Variants in IFT80 observed in about 807,000 individuals in gnomAD.
IFT80 encodes intraflagellar transport 80.
IFT80 carries 79 observed loss-of-function variants against 107.9 expected under a neutral mutation model. The ratio of observed to expected loss-of-function variants is 0.73; its 90% CI spans 0.61 to 0.88. The LOEUF is 0.88. Among genes scored for constraint, IFT80 ranks in the 40% least tolerant of loss-of-function variants. IFT80 has a pLI of 0.00. For synonymous variants in IFT80, 299 were observed against 300.9 expected (o/e 0.99, Z 0.07); for missense variants, 797 against 914.2 (o/e 0.87, Z 1.65).
At chr3:160,279,057 T>C (rs765051211) in intron 16 of IFT80, 136 bp downstream of exon 16, 49 of 675,116 alleles carry the variant, frequency 7.3e-5, no homozygotes, top group Non-Finnish European at 1.1e-4. Context: ...GTATTGCCCA[T>C]GTCTTTACTT....
chr3:160,286,545 C>A (rs1715108018), intron 12 of IFT80, among the ~76,000 whole-genome samples: 1 of 152,150 alleles, frequency 6.6e-6, no homozygotes, highest in Admixed American at 6.5e-5. Context: ...GTGTTGACAG[C>A]TTTCTGTATT....
intron 9 of IFT80, among the ~76,000 whole-genome samples, chr3:160,317,215 G>A (rs1381398325): frequency 6.6e-6 from 1 of 151,880 alleles, no homozygotes; most frequent in Non-Finnish European, 1.5e-5. Context: ...ATCATTCTAA[G>A]AAGAAACATG....
intron 8 of IFT80, among the ~76,000 whole-genome samples, chr3:160,321,219 C>T (rs912737947): frequency 6.6e-6 from 1 of 151,862 alleles, no homozygotes; most frequent in African/African-American, 2.4e-5. Context: ...AGACTGGGAA[C>T]TTCAAAGATA....
chr3:160,383,975 T>C, intron 2 of IFT80: 2 of 984,618 alleles, frequency 2.0e-6, no homozygotes, highest in Non-Finnish European at 2.4e-6. Context: ...CCAGGCGCGG[T>C]GGCTCATGCC....
chr3:160,322,222 T>A (rs962366270), intron 8 of IFT80, among the ~76,000 whole-genome samples: 19 of 144,116 alleles, frequency 1.3e-4, no homozygotes, highest in African/African-American at 4.9e-4. Context: ...AGTGTGATGT[T>A]CCCCTTCCTG....
At chr3:160,374,102 G>A (rs938630425) in intron 5 of IFT80, among the ~76,000 whole-genome samples, 2 of 152,120 alleles carry the variant, frequency 1.3e-5, no homozygotes, top group Non-Finnish European at 2.9e-5. Context: ...AAAAATTGAA[G>A]GAAGTGGAAG....
intron 8 of IFT80, among the ~76,000 whole-genome samples, chr3:160,324,348 A>G (rs1718508916): frequency 6.6e-6 from 1 of 152,170 alleles, no homozygotes; most frequent in Non-Finnish European, 1.5e-5. Flanking sequence ...TTAGACCAAT[A>G]TCCTTGATGA....
intron 17 of IFT80, 41 bp from the exon 18 acceptor site, chr3:160,277,519 AAATAT>A: frequency 3.2e-6 from 5 of 1,573,500 alleles, no homozygotes; most frequent in Non-Finnish European, 4.4e-6. Context: ...ATAGTAACAG[AAATAT>A]AATAAATTAC....
chr3:160,356,577 G>A (rs1489443645), intron 7 of IFT80, among the ~76,000 whole-genome samples: 2 of 152,196 alleles, frequency 1.3e-5, no homozygotes, highest in East Asian at 3.8e-4. Context: ...CTGGAGTACA[G>A]TAGCATGATC....
chr3:160,341,606 A>G (rs1719900974), intron 8 of IFT80, among the ~76,000 whole-genome samples: 1 of 152,096 alleles, frequency 6.6e-6, no homozygotes, highest in East Asian at 1.9e-4. Context: ...GGAGCGTTTA[A>G]AATTGGGACT....
intron 19 of IFT80, among the ~76,000 whole-genome samples, chr3:160,260,243 A>C (rs1320035684): frequency 6.6e-6 from 1 of 152,202 alleles, no homozygotes; most frequent in African/African-American, 2.4e-5. Context: ...GCTAAGATGC[A>C]AGTGACAGCT....
In IFT80 at chr3:160,333,935, T is replaced by C. The variant is rs376771660; in HGVS notation, c.778-13996A>G. ...ATATGGCTGACAGCGCAGTGGTATGTTTACACCAGCATCAACACAAACACA... is the reference window on the plus strand; with the variant it reads ...ATATGGCTGACAGCGCAGTGGTATGCTTACACCAGCATCAACACAAACACA... On this transcript the variant is annotated intron_variant, in intron 8 of 19. Coordinates refer to ENST00000326448, the MANE Select transcript of IFT80 (RefSeq NM_020800.3). 1.8e-4 allele frequency among the ~76,000 whole-genome samples: 27 copies of C among 152,246 alleles called. No individual in the cohort carries two copies. In the East Asian group the frequency reaches 3.3e-3, roughly 18 times the overall value.
rs1041089142 is a variant in IFT80, at chr3:160,371,529, C to T, written c.439+4283G>A. On this transcript the variant is annotated intron_variant, in intron 5 of 19. Transcript: ENST00000326448. ...TGATCACAGCTCACTGTAGCCCCAA[C>T]GCCCACGGGCTCAGATGATCCTCTC... is the stretch of plus-strand genomic sequence containing the variant. Among the ~76,000 whole-genome samples the T allele has an allele frequency of 7.9e-5, 12 of 152,144 alleles. No individual in the cohort carries two copies. The East Asian group carries it at 1.5e-3, about 20-fold the overall frequency.
Position 160,297,833 on chromosome 3 carries a change from G to A in IFT80, c.1315+3050C>T, listed in dbSNP as rs145138744. Among the ~76,000 whole-genome samples, 598 of 152,104 alleles carry A rather than the reference G, an allele frequency of 3.9e-3. 2 individuals are homozygous for A. The highest frequency in any genetic ancestry group is 0.024 in the East Asian group (124 of 5,186). ...AAGCTGGGGATATGTGGATGAACTC[G>A]TCTACTTTTTCCATAACTGTAAGTG... On this transcript the variant is annotated intron_variant, in intron 12 of 19. Transcript: ENST00000326448.
At chr3:160,357,010 T>C (rs1222233655) in intron 7 of IFT80, among the ~76,000 whole-genome samples, 1 of 152,230 alleles carries the variant, frequency 6.6e-6, no homozygotes, top group Non-Finnish European at 1.5e-5. Flanking sequence ...TTTAAAAACA[T>C]ACTGAACTGA....
At position 160,277,430 on chromosome 3, in the gene IFT80, C is replaced by T; in HGVS notation, c.1975G>A (p.Glu659Lys). ...AGTAGTATGTGGGCCATTTTTGATT[C>T]TTTAGATGGAAGATTTTTTATAGAA... ...INSIKNLPSK[E>K]SKMAHILLFS... Residue 659 changes from glutamate (E) to lysine (K), a missense_variant, in exon 18 of 20, where the codon GAA becomes AAA. Glu to Lys is a moderately conservative substitution (Grantham distance 56, BLOSUM62 1). Transcript: ENST00000326448. 6.2e-7 allele frequency: 1 copy of T among 1,611,674 alleles called. No individual in the cohort carries two copies. The highest frequency in any genetic ancestry group is 8.5e-7 in the Non-Finnish European group (1 of 1,178,148).
chr3:160,391,530 G>C (rs1459315700), intron 1 of IFT80: 1 of 152,072 alleles, frequency 6.6e-6, no homozygotes, highest in East Asian at 1.9e-4. Context: ...AAATTAGCCG[G>C]GGTGGTGGCA....
chr3:160,325,507 T>C (rs1718616619), intron 8 of IFT80, among the ~76,000 whole-genome samples: 1 of 152,100 alleles, frequency 6.6e-6, no homozygotes, highest in Non-Finnish European at 1.5e-5. Context: ...TGATTTCCTT[T>C]ACAGTCCACA....
chr3:160,326,702 C>T (rs1718699555), intron 8 of IFT80, among the ~76,000 whole-genome samples: 1 of 152,036 alleles, frequency 6.6e-6, no homozygotes, highest in African/African-American at 2.4e-5. Flanking sequence ...GACAAACTTA[C>T]AGCCAGTATC....
Sources: gnomAD v4.1 joint callset for allele counts (sites outside exome capture counted in the v4.1 genomes callset) on GRCh38, gnomAD v4.1.1 for gene constraint, MANE v1.5 for transcripts, NCBI Gene and HGNC (gene_info 2026-07-23, HGNC 2026-07-21) for gene names.